PTPRD: variants seen among roughly 807,000 people sequenced by gnomAD.
PTPRD encodes the protein receptor-type tyrosine-protein phosphatase delta.
In PTPRD, 34 loss-of-function variants were observed where a neutral mutation model predicts 214.5. The ratio of observed to expected loss-of-function variants is 0.16; its 90% CI spans 0.12 to 0.21. PTPRD has a LOEUF of 0.21. PTPRD is among the 10% of genes least tolerant of loss of function. PTPRD has a pLI of 1.00. For synonymous variants in PTPRD, 1,128 were observed against 845.7 expected (o/e 1.33, Z -5.79); for missense variants, 2,545 against 2,398.7 (o/e 1.06, Z -1.27).
chr9:9,819,061 T>C (rs554961707), intron 5 of PTPRD, among the ~76,000 whole-genome samples: 10 of 152,152 alleles, frequency 6.6e-5, no homozygotes, highest in Non-Finnish European at 1.0e-4. Flanking sequence ...TGTCGAAATG[T>C]TCCCTGATAG....
At chr9:10,487,707 T>G (rs2099141775) in intron 2 of PTPRD, among the ~76,000 whole-genome samples, 4 of 145,740 alleles carry the variant, frequency 2.7e-5, no homozygotes, top group South Asian at 2.2e-4. Context: ...TGTTGGGGGG[T>G]GGAGGGTGAG....
chr9:10,352,585 T>C (rs184424720), intron 2 of PTPRD, among the ~76,000 whole-genome samples: 28 of 152,200 alleles, frequency 1.8e-4, no homozygotes, highest in African/African-American at 6.5e-4. Flanking sequence ...GAGAAATAGC[T>C]ATATATGCAT....
intron 10 of PTPRD, among the ~76,000 whole-genome samples, chr9:9,124,559 G>C (rs896418476): frequency 1.1e-4 from 16 of 152,256 alleles, no homozygotes; most frequent in African/African-American, 3.4e-4. Flanking sequence ...TAGACTCTCA[G>C]CTCTAAAATT....
At chr9:9,185,558 G>T (rs952889201) in intron 9 of PTPRD, among the ~76,000 whole-genome samples, 1 of 152,030 alleles carries the variant, frequency 6.6e-6, no homozygotes, top group Non-Finnish European at 1.5e-5. Context: ...TTAAGCAACG[G>T]ACTTTAGAGG....
At chr9:10,212,041 A>G (rs1194719949) in intron 3 of PTPRD, among the ~76,000 whole-genome samples, 1 of 152,162 alleles carries the variant, frequency 6.6e-6, no homozygotes, top group Non-Finnish European at 1.5e-5. Context: ...TAGGAAGACT[A>G]AATATGACTT....
At chr9:9,359,893 C>T (rs2055350710) in intron 9 of PTPRD, among the ~76,000 whole-genome samples, 1 of 151,260 alleles carries the variant, frequency 6.6e-6, no homozygotes, top group Non-Finnish European at 1.5e-5. Context: ...ACTTTCACAG[C>T]TACTACAGAT....
intron 9 of PTPRD, among the ~76,000 whole-genome samples, chr9:9,240,851 C>T (rs4073524): frequency 0.03 from 4,622 of 152,128 alleles, 78 homozygotes; most frequent in East Asian, 0.083. Flanking sequence ...TTTCTAATCA[C>T]GGCCATTTTA....
chr9:8,590,554 C>T (rs1019712707), intron 14 of PTPRD, among the ~76,000 whole-genome samples: 6 of 152,096 alleles, frequency 3.9e-5, no homozygotes, highest in African/African-American at 1.4e-4. Flanking sequence ...AAGCCTGTAG[C>T]TACTTTCCCA....
chr9:10,300,463 G>A (rs2095827429), intron 3 of PTPRD, among the ~76,000 whole-genome samples: 1 of 152,178 alleles, frequency 6.6e-6, no homozygotes, highest in Admixed American at 6.5e-5. Context: ...AAGTGGTCTG[G>A]CTCTGTGGGT....
At chr9:9,218,014 G>T (rs1283503652) in intron 9 of PTPRD, among the ~76,000 whole-genome samples, 2 of 152,192 alleles carry the variant, frequency 1.3e-5, no homozygotes, top group East Asian at 3.9e-4. Flanking sequence ...CACTCTGTTT[G>T]TTTCTGAGCC....
At chr9:8,445,869 G>A (rs992291065) in intron 34 of PTPRD, among the ~76,000 whole-genome samples, 6 of 152,092 alleles carry the variant, frequency 3.9e-5, no homozygotes, top group African/African-American at 1.2e-4. Flanking sequence ...TGCCACTAAC[G>A]AACTAGTGGG....
intron 8 of PTPRD, among the ~76,000 whole-genome samples, chr9:9,544,823 T>G (rs1379134464): frequency 6.6e-6 from 1 of 151,762 alleles, no homozygotes; most frequent in East Asian, 1.9e-4. Flanking sequence ...CTTTAGAATT[T>G]TATTATAGTT....
intron 34 of PTPRD, among the ~76,000 whole-genome samples, chr9:8,441,260 T>C (rs2095538669): frequency 6.6e-6 from 1 of 152,094 alleles, no homozygotes; most frequent in African/African-American, 2.4e-5. Flanking sequence ...GTGACATAAA[T>C]GGCAACTAAC....
At chr9:9,854,199 T>C (rs1053211899) in intron 5 of PTPRD, among the ~76,000 whole-genome samples, 1 of 152,176 alleles carries the variant, frequency 6.6e-6, no homozygotes, top group African/African-American at 2.4e-5. Context: ...ATTTACTATT[T>C]TGTGCAATCT....
In PTPRD at chr9:8,436,684, C is replaced by T; in HGVS notation, c.3994G>A (p.Ala1332Thr). Reference sequence around the variant, plus strand: ...AAGATGGGTATTGGAGGATGGCTAGCCATACCTATTGAAAAAAGCAAAGAA... The same window carrying T: ...AAGATGGGTATTGGAGGATGGCTAGTCATACCTATTGAAAAAAGCAAAGAA... ...RRLNFQTPGM[A>T]SHPPIPILEL... The change falls in exon 35 of 46, where the codon GCT (alanine) becomes ACT (threonine). Residue 1332 changes from alanine to threonine, a missense_variant. Ala to Thr is a moderately conservative substitution (Grantham distance 58). Transcript: ENST00000381196. The T allele has an allele frequency of 1.2e-6, 2 of 1,611,234 alleles. No homozygotes were observed. The highest frequency in any genetic ancestry group is 1.7e-6 in the Non-Finnish European group (2 of 1,178,536).
chr9:9,022,071 C>T (rs1236975422), intron 10 of PTPRD, among the ~76,000 whole-genome samples: 1 of 151,792 alleles, frequency 6.6e-6, no homozygotes, highest in Non-Finnish European at 1.5e-5. Context: ...AGCAGACCAT[C>T]ATGGCACATG....
At chr9:9,781,139 A>G (rs1315704214) in intron 5 of PTPRD, among the ~76,000 whole-genome samples, 1 of 152,132 alleles carries the variant, frequency 6.6e-6, no homozygotes, top group Non-Finnish European at 1.5e-5. Flanking sequence ...AAACCCATAG[A>G]ATGTACAAGA....
rs1384503512 is a variant in PTPRD at position 8,327,612 on chromosome 9, ATCTG to A, written c.5534+3966_5534+3969del. ...TCCTTGCTAATGTTCTATCTCATTGATCTGTCTAATATTGACAGTGGGGTGTTAA... is the reference window on the plus strand; with the variant it reads ...TCCTTGCTAATGTTCTATCTCATTGATCTAATATTGACAGTGGGGTGTTAA... On this transcript the variant is annotated intron_variant, in intron 44 of 45. Coordinates refer to ENST00000381196, the MANE Select transcript of PTPRD (RefSeq NM_002839.4). Among the ~76,000 whole-genome samples, 19 of 151,830 alleles carry A rather than the reference ATCTG, an allele frequency of 1.3e-4. No individual in the cohort carries two copies. The East Asian group carries it at 1.5e-3, about 12-fold the overall frequency.
At chr9:9,245,915 T>C (rs1388338762) in intron 9 of PTPRD, among the ~76,000 whole-genome samples, 1 of 152,064 alleles carries the variant, frequency 6.6e-6, no homozygotes, top group Non-Finnish European at 1.5e-5. Context: ...CTTGGTTCTG[T>C]AGCTTTCAGA....
Sources: allele counts gnomAD v4.1 joint callset (sites outside exome capture counted in the v4.1 genomes callset), GRCh38; gene constraint gnomAD v4.1.1; transcripts MANE v1.5; gene names NCBI Gene and HGNC (gene_info 2026-07-23, HGNC 2026-07-21).